Variants in MSTO1 observed in about 807,000 individuals in gnomAD.
MSTO1 encodes the protein protein misato homolog 1.
A neutral mutation model predicts 55.7 loss-of-function variants in MSTO1; 24 were observed. The observed-to-expected ratio is 0.43, with a 90% CI of 0.31 to 0.61. MSTO1 has a LOEUF of 0.61. Among genes scored for constraint, MSTO1 ranks in the 20% least tolerant of loss-of-function variants. The pLI, the probability that MSTO1 is intolerant of heterozygous loss-of-function variation, is 0.09. For missense variants in MSTO1, 363 were observed against 625.7 expected (o/e 0.58, Z 4.48); for synonymous variants, 162 against 252.8 (o/e 0.64, Z 3.41).
chr1:155,606,065 G>C (rs1343903844), upstream of MSTO1, among the ~76,000 whole-genome samples: 1 of 151,776 alleles, frequency 6.6e-6, no homozygotes, highest in Admixed American at 6.6e-5. Flanking sequence ...ACAGAGTCTT[G>C]CTCTATCACC....
At chr1:155,604,839 C>T in the MSTO1 span, among the ~76,000 whole-genome samples, 2 of 152,144 alleles carry the variant, frequency 1.3e-5, no homozygotes, top group African/African-American at 4.8e-5. Flanking sequence ...TGTGCCACTG[C>T]ACTCCGGCTT....
chr1:155,606,197 C>CATTTT (rs1558242399), upstream of MSTO1, among the ~76,000 whole-genome samples: 2 of 53,294 alleles, frequency 3.8e-5, no homozygotes, highest in African/African-American at 1.4e-4. Context: ...CCATGCCCAG[C>CATTTT]CTTTTTTTTT....
At chr1:155,564,404 G>C in the MSTO1 span, among the ~76,000 whole-genome samples, 88 of 152,306 alleles carry the variant, frequency 5.8e-4, no homozygotes, top group South Asian at 3.5e-3. Flanking sequence ...TGAGGCAGGA[G>C]AATCGCTTGA....
chr1:155,607,510 A>G (rs1181123801), upstream of MSTO1, among the ~76,000 whole-genome samples: 1 of 152,254 alleles, frequency 6.6e-6, no homozygotes. Context: ...AGATAGTATT[A>G]CATGATAATC....
the MSTO1 span, among the ~76,000 whole-genome samples, chr1:155,576,100 G>A: frequency 6.6e-6 from 1 of 152,086 alleles, no homozygotes; most frequent in African/African-American, 2.4e-5. Context: ...GGGATTACAG[G>A]TGTGAGCCAC....
At chr1:155,598,012 T>C in the MSTO1 span, among the ~76,000 whole-genome samples, 1 of 151,280 alleles carries the variant, frequency 6.6e-6, no homozygotes, top group Non-Finnish European at 1.5e-5. Context: ...GAAACAGGGT[T>C]TCACCATGTT....
At position 155,610,554 on chromosome 1, in the gene MSTO1, C is replaced by G. The variant is rs1254520856; in HGVS notation, c.214C>G (p.Leu72Val). The G allele has an allele frequency of 8.2e-6, 8 of 972,138 alleles. No individual in the cohort carries two copies. Among genetic ancestry groups the G allele is most frequent in the Admixed American group, 2.7e-5 (1 of 37,118 alleles). 60.2% of individuals were successfully genotyped at this position (972,138 alleles called of 1,614,324 possible). A position where few individuals can be genotyped will look rare whatever the true frequency, so the allele number is the denominator to read the frequency against. ...TYTPRLILMDLKGSLSSLKEE... is the reference protein window; with the variant it reads ...TYTPRLILMDVKGSLSSLKEE... ...CACGCCGCGACTCATCCTCATGGAT[C>G]TGAAGGGTGAGGTGGTGGCAGAGTT... is the stretch of plus-strand genomic sequence containing the variant. Residue 72 changes from leucine (L) to valine (V), a missense_variant, in exon 2 of 14, where the codon CTG becomes GTG. Leu to Val is a conservative substitution (Grantham distance 32). Around this residue, in one of 3 missense-constraint regions of MSTO1, gnomAD observed 94 missense variants for 212.4 expected, o/e 0.44. Transcript: ENST00000245564.
the MSTO1 span, among the ~76,000 whole-genome samples, chr1:155,574,969 C>T: frequency 6.7e-6 from 1 of 150,274 alleles, no homozygotes; most frequent in Non-Finnish European, 1.5e-5. Flanking sequence ...CGGGTTCAAG[C>T]GATTCTCCTG....
In MSTO1 at chr1:155,612,824, A is replaced by C. The variant is rs779848033; in HGVS notation, c.967-20A>C. The C allele has an allele frequency of 5.0e-6, 8 of 1,613,136 alleles. No homozygotes were observed. The highest frequency in any genetic ancestry group is 4.0e-5 in the African/African-American group (3 of 74,856). On this transcript the variant is annotated intron_variant, in intron 9 of 13. Coordinates refer to ENST00000245564, the MANE Select transcript of MSTO1 (RefSeq NM_018116.4). ...TTTCCAGGCCTGAGGCCAAGTGCCCATCTTGGTGTCTTCTTACAGGCCACT... is the reference window on the plus strand; with the variant it reads ...TTTCCAGGCCTGAGGCCAAGTGCCCCTCTTGGTGTCTTCTTACAGGCCACT...
At chr1:155,587,611 GCGGGCGCCTAT>G in the MSTO1 span, among the ~76,000 whole-genome samples, 1 of 151,692 alleles carries the variant, frequency 6.6e-6, no homozygotes, top group African/African-American at 2.4e-5. Flanking sequence ...GGGCGTGGTG[GCGGGCGCCTAT>G]AGTCCCAGCT....
chr1:155,591,271 T>C, the MSTO1 span: 784 of 1,587,548 alleles, frequency 4.9e-4, no homozygotes, highest in Middle Eastern at 8.4e-4. Context: ...ATGGTGAGAT[T>C]GAAGGAGCTG....
At chr1:155,566,767 C>T in the MSTO1 span, among the ~76,000 whole-genome samples, 2 of 151,964 alleles carry the variant, frequency 1.3e-5, no homozygotes, top group East Asian at 3.9e-4. Context: ...AAGCATGTGC[C>T]ACCACGCCTG....
the MSTO1 span, among the ~76,000 whole-genome samples, chr1:155,589,509 C>T: frequency 1.0e-3 from 154 of 151,978 alleles, 1 homozygote; most frequent in East Asian, 0.027. Flanking sequence ...CACCATCTGG[C>T]GAAGTCCCAC....
the MSTO1 span, among the ~76,000 whole-genome samples, chr1:155,566,946 T>A: frequency 1.3e-5 from 2 of 152,088 alleles, no homozygotes; most frequent in African/African-American, 4.8e-5. Context: ...CTTACTATGT[T>A]GCCTAGGCTG....
chr1:155,569,387 G>A, the MSTO1 span, among the ~76,000 whole-genome samples: 7 of 148,106 alleles, frequency 4.7e-5, no homozygotes, highest in African/African-American at 1.5e-4. Context: ...CGCCCATCTC[G>A]GCCTCCCAAA....
At chr1:155,609,248 T>A (rs1462926179), upstream of MSTO1, among the ~76,000 whole-genome samples, 106 of 114,856 alleles carry the variant, frequency 9.2e-4, 1 homozygote, top group African/African-American at 2.8e-3. Flanking sequence ...TATATATTTT[T>A]TTTTTTTTTT....
At chr1:155,575,971 C>G in the MSTO1 span, among the ~76,000 whole-genome samples, 2 of 151,758 alleles carry the variant, frequency 1.3e-5, no homozygotes, top group African/African-American at 4.8e-5. Context: ...TACAGGCACA[C>G]GTCACCACGC....
chr1:155,593,398 C>T, the MSTO1 span, among the ~76,000 whole-genome samples: 2 of 152,238 alleles, frequency 1.3e-5, no homozygotes, highest in East Asian at 3.9e-4. Flanking sequence ...ACATGTGTAA[C>T]GTAACATGAT....
chr1:155,574,345 CAAAAAA>C, the MSTO1 span, among the ~76,000 whole-genome samples: 1 of 151,190 alleles, frequency 6.6e-6, no homozygotes, highest in Non-Finnish European at 1.5e-5. Context: ...GACCTTGTCT[CAAAAAA>C]AGAAAAAGAC....
Sources: allele counts gnomAD v4.1 joint callset (sites outside exome capture counted in the v4.1 genomes callset), GRCh38; gene constraint gnomAD v4.1.1; regional missense constraint gnomAD v4.1.1; transcripts MANE v1.5; gene names NCBI Gene and HGNC (gene_info 2026-07-23, HGNC 2026-07-21).